CDK8: variants seen among roughly 807,000 people sequenced by gnomAD.
CDK8 encodes the protein cyclin dependent kinase 8, also known as cyclin-dependent kinase 8.
CDK8 carries 29 observed loss-of-function variants against 71.5 expected under a neutral mutation model. The ratio of observed to expected loss-of-function variants is 0.41; its 90% CI spans 0.30 to 0.55. The LOEUF (loss-of-function observed/expected upper bound fraction) is 0.55, where lower values mean the gene tolerates loss of function less well. Among genes scored for constraint, CDK8 ranks in the 20% least tolerant of loss-of-function variants. CDK8 has a pLI of 0.37. For missense variants in CDK8, 288 were observed against 572.6 expected, an observed-to-expected ratio of 0.50 and a Z score of 5.07; for synonymous variants, 161 against 192.1, an observed-to-expected ratio of 0.84 and a Z score of 1.34.
At chr13:26,302,158 T>C (rs1193054711) in intron 1 of CDK8, among the ~76,000 whole-genome samples, 1 of 152,228 alleles carries the variant, frequency 6.6e-6, no homozygotes, top group Non-Finnish European at 1.5e-5. Context: ...GACTATGCTA[T>C]TTAAAGTACC....
At chr13:26,344,328 T>G (rs1047775166) in intron 2 of CDK8, among the ~76,000 whole-genome samples, 13 of 152,224 alleles carry the variant, frequency 8.5e-5, no homozygotes, top group African/African-American at 3.1e-4. Context: ...TCCATGCTAC[T>G]GTGAATAGTG....
At chr13:26,304,445 A>T (rs1001268245) in intron 1 of CDK8, among the ~76,000 whole-genome samples, 33 of 151,772 alleles carry the variant, frequency 2.2e-4, no homozygotes, top group Non-Finnish European at 2.9e-5. Context: ...TTTTTATATT[A>T]TTGTGTATTA....
At chr13:26,333,625 A>G (rs1285354975) in intron 1 of CDK8, among the ~76,000 whole-genome samples, 2 of 152,202 alleles carry the variant, frequency 1.3e-5, no homozygotes, top group Non-Finnish European at 2.9e-5. Context: ...TGTTTTATGC[A>G]CATAATTATT....
intron 1 of CDK8, among the ~76,000 whole-genome samples, chr13:26,256,541 A>T (rs1329319294): frequency 6.6e-6 from 1 of 152,200 alleles, no homozygotes; most frequent in Admixed American, 6.5e-5. Flanking sequence ...AAGCTAATAA[A>T]ATATGCATAT....
rs1876273986 is a variant in CDK8, at chr13:26,401,841, G to A, written c.1269+217G>A. Among the ~76,000 whole-genome samples the A allele has an allele frequency of 1.3e-5, 2 of 152,180 alleles. No individual in the cohort carries two copies. Among genetic ancestry groups the A allele is most frequent in the Admixed American group, 1.3e-4 (2 of 15,278 alleles). ...CTTGGAATGATCAAATACAAATTATGCCATTTATTAACTGTGTGACCTTGG... is the reference window on the plus strand; with the variant it reads ...CTTGGAATGATCAAATACAAATTATACCATTTATTAACTGTGTGACCTTGG... On this transcript the variant is annotated intron_variant, in intron 12 of 12. Coordinates refer to ENST00000381527, the MANE Select transcript of CDK8 (RefSeq NM_001260.3). The surrounding 1 kb of genome is among the most constrained non-coding windows in gnomAD (Gnocchi z 4.5).
intron 1 of CDK8, among the ~76,000 whole-genome samples, chr13:26,290,603 A>G (rs1566473931): frequency 6.6e-6 from 1 of 152,174 alleles, no homozygotes; most frequent in Non-Finnish European, 1.5e-5. Context: ...CTGGGTTCCT[A>G]TGAATAGATT....
At chr13:26,363,659 C>G (rs921445888) in intron 4 of CDK8, among the ~76,000 whole-genome samples, 6 of 152,242 alleles carry the variant, frequency 3.9e-5, no homozygotes, top group Middle Eastern at 6.8e-3. Flanking sequence ...CACAAACAAC[C>G]TTGCCCAGCC....
chr13:26,257,524 T>A (rs1871576148), intron 1 of CDK8, among the ~76,000 whole-genome samples: 1 of 152,204 alleles, frequency 6.6e-6, no homozygotes, highest in Non-Finnish European at 1.5e-5. Flanking sequence ...GATTAATTTG[T>A]TCTCACTCGT....
At chr13:26,300,918 G>C (rs1422596986) in intron 1 of CDK8, among the ~76,000 whole-genome samples, 1 of 152,170 alleles carries the variant, frequency 6.6e-6, no homozygotes, top group African/African-American at 2.4e-5. Flanking sequence ...AGGAAAGTGG[G>C]GGTGAGGAGA....
intron 1 of CDK8, among the ~76,000 whole-genome samples, chr13:26,308,725 A>G (rs1028409076): frequency 6.6e-6 from 1 of 152,238 alleles, no homozygotes; most frequent in Non-Finnish European, 1.5e-5. Flanking sequence ...TTACAGGCGT[A>G]TCTTTTAGAA....
intron 1 of CDK8, among the ~76,000 whole-genome samples, chr13:26,280,796 T>A (rs571559933): frequency 6.6e-6 from 1 of 152,340 alleles, no homozygotes; most frequent in Admixed American, 6.5e-5. Flanking sequence ...GCATGATTGT[T>A]CAAGATGGTG....
chr13:26,346,535 C>G (rs1283529880), intron 2 of CDK8, among the ~76,000 whole-genome samples: 1 of 152,178 alleles, frequency 6.6e-6, no homozygotes, highest in African/African-American at 2.4e-5. Flanking sequence ...TAGAAAAACA[C>G]TGAACTAGAA....
rs56350866 is a variant in CDK8 at position 26,404,454 on chromosome 13, A to G, written c.*373A>G. 1.1e-5 allele frequency: 3 copies of G among 269,324 alleles called. No homozygotes were observed. Among genetic ancestry groups the G allele is most frequent in the Non-Finnish European group, 2.2e-5 (3 of 139,390 alleles). 16.7% of individuals were successfully genotyped at this position (269,324 alleles called of 1,614,324 possible). A position where few individuals can be genotyped will look rare whatever the true frequency, so the allele number is the denominator to read the frequency against. ...TGGTGAATTTTTTCAGTGTAACAAC[A>G]TTATCTGACCAATAGTACACACACA... On this transcript the variant is annotated 3_prime_UTR_variant, in exon 13 of 13. Transcript: ENST00000381527.
chr13:26,263,376 C>A (rs1323263019), intron 1 of CDK8, among the ~76,000 whole-genome samples: 1 of 152,122 alleles, frequency 6.6e-6, no homozygotes, highest in Non-Finnish European at 1.5e-5. Flanking sequence ...GCCTCGTGAT[C>A]CGCCTGCCTC....
intron 3 of CDK8, among the ~76,000 whole-genome samples, chr13:26,349,824 C>T (rs1200195114): frequency 6.6e-6 from 1 of 152,128 alleles, no homozygotes; most frequent in Non-Finnish European, 1.5e-5. Flanking sequence ...TATCCTAATT[C>T]TTATTTTCAG....
At chr13:26,386,717 A>G (rs1391875909) in intron 6 of CDK8, among the ~76,000 whole-genome samples, 1 of 152,182 alleles carries the variant, frequency 6.6e-6, no homozygotes, top group East Asian at 1.9e-4. Flanking sequence ...CTAGCTTGCC[A>G]GGGTTTACAA....
At chr13:26,289,298 C>T (rs1045892897) in intron 1 of CDK8, among the ~76,000 whole-genome samples, 1 of 152,120 alleles carries the variant, frequency 6.6e-6, no homozygotes, top group African/African-American at 2.4e-5. Flanking sequence ...CGTGAACCGC[C>T]TGCCTTGGCC....
intron 1 of CDK8, among the ~76,000 whole-genome samples, chr13:26,289,208 C>T (rs778912153): frequency 6.6e-6 from 1 of 151,992 alleles, no homozygotes; most frequent in Non-Finnish European, 1.5e-5. Context: ...GCGCATGCCA[C>T]CATGCCCAGC....
intron 4 of CDK8, among the ~76,000 whole-genome samples, chr13:26,366,219 C>T (rs1236316605): frequency 6.6e-6 from 1 of 152,054 alleles, no homozygotes; most frequent in Non-Finnish European, 1.5e-5. Flanking sequence ...TATCTCTTTA[C>T]TGGATACAAG....
Sources: gnomAD v4.1 joint callset for allele counts (sites outside exome capture counted in the v4.1 genomes callset) on GRCh38, gnomAD v4.1.1 for gene constraint, Gnocchi (gnomAD v3.1) non-coding constraint, MANE v1.5 for transcripts, NCBI Gene and HGNC (gene_info 2026-07-23, HGNC 2026-07-21) for gene names.